Variants in FAF1 observed in about 807,000 individuals in gnomAD.
FAF1 encodes the protein Fas associated factor 1, also known as FAS-associated factor 1.
A neutral mutation model predicts 92.5 loss-of-function variants in FAF1; 25 were observed. The ratio of observed to expected loss-of-function variants is 0.27; its 90% CI spans 0.20 to 0.38. The LOEUF is 0.38. FAF1 is among the 10% of genes least tolerant of loss of function. The pLI, the probability that FAF1 is intolerant of heterozygous loss-of-function variation, is 1.00. For synonymous variants in FAF1, 234 were observed against 273.2 expected, an observed-to-expected ratio of 0.86 and a Z score of 1.42; for missense variants, 636 against 793.3, an observed-to-expected ratio of 0.80 and a Z score of 2.38.
chr1:50,637,239 C>A (rs1460416196), intron 8 of FAF1, among the ~76,000 whole-genome samples: 1 of 141,574 alleles, frequency 7.1e-6, no homozygotes, highest in Non-Finnish European at 1.5e-5. Context: ...AGTACGAGAC[C>A]AGCCCAATAA....
chr1:50,457,979 T>C (rs555770198), intron 18 of FAF1, among the ~76,000 whole-genome samples: 2 of 151,930 alleles, frequency 1.3e-5, no homozygotes, highest in South Asian at 4.2e-4. Context: ...TTTGGGAGGC[T>C]GAGGTGGGTG....
chr1:50,870,008 G>A (rs2124678992), intron 1 of FAF1, among the ~76,000 whole-genome samples: 1 of 152,276 alleles, frequency 6.6e-6, no homozygotes, highest in African/African-American at 2.4e-5. Flanking sequence ...CTTATAAAGT[G>A]TTTCCTGTAC....
chr1:50,695,744 G>T (rs1657176340), intron 7 of FAF1, among the ~76,000 whole-genome samples: 1 of 152,090 alleles, frequency 6.6e-6, no homozygotes, highest in African/African-American at 2.4e-5. Flanking sequence ...CGCCTCCTGG[G>T]TTCAAGTGAT....
intron 2 of FAF1, among the ~76,000 whole-genome samples, chr1:50,807,386 C>T (rs975089135): frequency 7.9e-5 from 12 of 152,152 alleles, no homozygotes; most frequent in Admixed American, 3.9e-4. Context: ...ACAGTAATGC[C>T]GGTAGGGCGA....
At chr1:50,447,121 CTTTTTTTTTTTT>C (rs61612294) in intron 18 of FAF1, among the ~76,000 whole-genome samples, 1 of 112,856 alleles carries the variant, frequency 8.9e-6, no homozygotes, top group Non-Finnish European at 1.8e-5. Context: ...CATATTCCTG[CTTTTTTTTTTTT>C]TTTTTTTTTT....
In FAF1 at chr1:50,722,370, C is replaced by T. The variant is rs531050293; in HGVS notation, c.552-16479G>A. Among the ~76,000 whole-genome samples, 30 of 152,268 alleles carry T rather than the reference C, an allele frequency of 2.0e-4. No homozygotes were observed. The South Asian group carries it at 6.0e-3, about 30-fold the overall frequency. ...CTTGGAATTAAGAGCACTATAAGGC[C>T]GGGCGCGGTGGCTCACGCCTGTAAT... On this transcript the variant is annotated intron_variant, in intron 6 of 18. Transcript: ENST00000396153.
chr1:50,574,543 G>A (rs1650619700), intron 12 of FAF1, among the ~76,000 whole-genome samples: 1 of 152,098 alleles, frequency 6.6e-6, no homozygotes, highest in African/African-American at 2.4e-5. Context: ...GTCAGCAATA[G>A]GCCTGTTAAA....
At chr1:50,898,210 G>A (rs1644771097) in intron 1 of FAF1, among the ~76,000 whole-genome samples, 1 of 152,148 alleles carries the variant, frequency 6.6e-6, no homozygotes, top group African/African-American at 2.4e-5. Context: ...GGAGGCTGAT[G>A]GGAGGATCAC....
intron 18 of FAF1, among the ~76,000 whole-genome samples, chr1:50,463,865 C>T (rs748954501): frequency 1.3e-5 from 2 of 152,230 alleles, no homozygotes; most frequent in Non-Finnish European, 2.9e-5. Flanking sequence ...GAAAATTCTA[C>T]CAACAAAAGT....
At chr1:50,506,333 C>T (rs970260119) in intron 15 of FAF1, among the ~76,000 whole-genome samples, 3 of 152,212 alleles carry the variant, frequency 2.0e-5, no homozygotes, top group Non-Finnish European at 2.9e-5. Flanking sequence ...TCCCCTTCCA[C>T]ATACTCTACG....
chr1:50,806,519 T>C (rs2124599372), intron 2 of FAF1, among the ~76,000 whole-genome samples: 1 of 152,252 alleles, frequency 6.6e-6, no homozygotes, highest in Middle Eastern at 3.4e-3. Flanking sequence ...CCCCACTCCA[T>C]TTTATGTATG....
chr1:50,535,788 C>T (rs1378678299), intron 14 of FAF1, among the ~76,000 whole-genome samples: 1 of 152,152 alleles, frequency 6.6e-6, no homozygotes, highest in Non-Finnish European at 1.5e-5. Context: ...TTGTTAATAA[C>T]ACTAGCAACA....
chr1:50,871,547 T>C (rs1203261081), intron 1 of FAF1, among the ~76,000 whole-genome samples: 1 of 152,228 alleles, frequency 6.6e-6, no homozygotes, highest in Non-Finnish European at 1.5e-5. Context: ...AAATCTATTC[T>C]GCCTGTGCTC....
chr1:50,908,530 G>T (rs959283749), intron 1 of FAF1, among the ~76,000 whole-genome samples: 3 of 152,144 alleles, frequency 2.0e-5, no homozygotes, highest in African/African-American at 7.2e-5. Context: ...GGTTTCTAAG[G>T]ATCTGCTTTA....
At chr1:50,554,875 C>T (rs757778822) in intron 13 of FAF1, among the ~76,000 whole-genome samples, 7 of 152,100 alleles carry the variant, frequency 4.6e-5, no homozygotes, top group Non-Finnish European at 1.0e-4. Flanking sequence ...TGTCTAATAT[C>T]ATCTTGTTTT....
intron 1 of FAF1, among the ~76,000 whole-genome samples, chr1:50,876,226 A>C (rs1345779070): frequency 1.3e-5 from 2 of 152,236 alleles, no homozygotes; most frequent in Non-Finnish European, 2.9e-5. Context: ...AGAACATTCC[A>C]TACAGAGAAA....
chr1:50,684,927 C>G (rs115307849), intron 7 of FAF1, among the ~76,000 whole-genome samples: 3 of 152,114 alleles, frequency 2.0e-5, no homozygotes, highest in Admixed American at 2.0e-4. Context: ...ATAAGATGGC[C>G]TAAACCAATT....
chr1:50,827,787 C>T (rs1398367689), intron 2 of FAF1, among the ~76,000 whole-genome samples: 1 of 151,844 alleles, frequency 6.6e-6, no homozygotes, highest in Non-Finnish European at 1.5e-5. Context: ...AATACCTAAA[C>T]CAATATCAAA....
intron 2 of FAF1, among the ~76,000 whole-genome samples, chr1:50,824,896 T>A (rs1312035529): frequency 4.6e-5 from 7 of 151,884 alleles, no homozygotes; most frequent in Admixed American, 3.3e-4. Context: ...CTAAAAAAAA[T>A]TTTATCTCAT....
Sources: gnomAD v4.1 joint callset for allele counts (sites outside exome capture counted in the v4.1 genomes callset) on GRCh38, gnomAD v4.1.1 for gene constraint, MANE v1.5 for transcripts, NCBI Gene and HGNC (gene_info 2026-07-23, HGNC 2026-07-21) for gene names.